TTC39B: variants seen among roughly 807,000 people sequenced by gnomAD.
TTC39B encodes the protein tetratricopeptide repeat domain 39B.
In TTC39B, 92 loss-of-function variants were observed where a neutral mutation model predicts 96.6. The observed-to-expected ratio is 0.95, with a 90% CI of 0.80 to 1.13. TTC39B has a LOEUF of 1.13. Ranked by LOEUF, TTC39B falls within the 50% of genes most tolerant of loss-of-function variation. The pLI is 0.00. For missense variants in TTC39B, 955 were observed against 809.3 expected (o/e 1.18, Z -2.18); for synonymous variants, 367 against 299.4 (o/e 1.23, Z -2.33).
intron 15 of TTC39B, 118 bp downstream of exon 15, chr9:15,186,826 G>C (rs1435365478): frequency 4.6e-6 from 4 of 877,760 alleles, no homozygotes; most frequent in Non-Finnish European, 7.4e-6. Flanking sequence ...TTCCCAAGTA[G>C]CTGGGACTAC....
At chr9:15,220,576 C>T (rs896778945) in intron 3 of TTC39B, among the ~76,000 whole-genome samples, 38 of 152,018 alleles carry the variant, frequency 2.5e-4, no homozygotes, top group African/African-American at 8.9e-4. Context: ...AATGCAAATA[C>T]ATAATGCAAT....
rs1299278617 is a variant in TTC39B, at chr9:15,241,163, T to C, written c.276-15151A>G. ...GTGTCCCTTAGCTCTGTATGGAAAATGGGGAATGACAAGCTCATTCAAATA... is the reference window on the plus strand; with the variant it reads ...GTGTCCCTTAGCTCTGTATGGAAAACGGGGAATGACAAGCTCATTCAAATA... On this transcript the variant is annotated intron_variant, in intron 2 of 19. Transcript: ENST00000512701. 4.6e-5 allele frequency among the ~76,000 whole-genome samples: 7 copies of C among 152,230 alleles called. No individual in the cohort carries two copies. In the East Asian group the frequency reaches 1.4e-3, roughly 29 times the overall value.
At chr9:15,273,407 G>A (rs1226539448) in intron 1 of TTC39B, among the ~76,000 whole-genome samples, 2 of 152,136 alleles carry the variant, frequency 1.3e-5, no homozygotes, top group African/African-American at 4.8e-5. Context: ...AATAACGCCA[G>A]GTACTGTAAA....
At chr9:15,199,086 C>T (rs764423700) in intron 8 of TTC39B, among the ~76,000 whole-genome samples, 80 of 152,106 alleles carry the variant, frequency 5.3e-4, no homozygotes, top group Middle Eastern at 3.2e-3. Flanking sequence ...AAAGGGATGA[C>T]TCCAGATTCA....
chr9:15,205,646 C>T (rs1819802690), intron 6 of TTC39B, among the ~76,000 whole-genome samples: 2 of 152,334 alleles, frequency 1.3e-5, no homozygotes, highest in South Asian at 4.1e-4. Flanking sequence ...TAGCTGTGTT[C>T]AGCGGGATAC....
At position 15,230,996 on chromosome 9, in the gene TTC39B, A is replaced by C. The variant is rs866850094; in HGVS notation, c.276-4984T>G. On this transcript the variant is annotated intron_variant, in intron 2 of 19. Coordinates refer to ENST00000512701, the Ensembl canonical transcript of TTC39B. ...TGAGACTCCATCTCAGAAAAAAAAA[A>C]AAACAAACAAGTTATTGTGTGGACA... Among the ~76,000 whole-genome samples the C allele has an allele frequency of 4.3e-3, 654 of 151,946 alleles. 4 individuals carry two copies. The highest frequency in any genetic ancestry group is 0.015 in the African/African-American group (621 of 41,312).
chr9:15,191,228 T>A (rs1325231752), exon 10 of TTC39B: 1 of 1,610,192 alleles, frequency 6.2e-7, no homozygotes, highest in Non-Finnish European at 8.5e-7. Flanking sequence ...AGTAGTCTGA[T>A]AATCCTTGCT....
intron 1 of TTC39B, among the ~76,000 whole-genome samples, chr9:15,279,983 C>A (rs991908156): frequency 2.0e-5 from 3 of 150,634 alleles, no homozygotes; most frequent in African/African-American, 4.9e-5. Context: ...GCAACCTCCA[C>A]CCCCCGGGTT....
intron 2 of TTC39B, among the ~76,000 whole-genome samples, chr9:15,228,501 T>G (rs1021945504): frequency 3.9e-5 from 6 of 152,092 alleles, no homozygotes; most frequent in African/African-American, 1.4e-4. Flanking sequence ...TGGGAGGCCT[T>G]CAGCAAAGAT....
At chr9:15,221,074 G>C (rs1019918930) in intron 3 of TTC39B, among the ~76,000 whole-genome samples, 1 of 152,188 alleles carries the variant, frequency 6.6e-6, no homozygotes, top group African/African-American at 2.4e-5. Flanking sequence ...TCTACTGTGA[G>C]GTTACTACTG....
At chr9:15,229,159 A>G (rs938635752) in intron 2 of TTC39B, among the ~76,000 whole-genome samples, 1 of 152,250 alleles carries the variant, frequency 6.6e-6, no homozygotes, top group Admixed American at 6.5e-5. Flanking sequence ...TAAAGTAGAG[A>G]AAATACTATT....
chr9:15,210,167 A>G lies in TTC39B; in HGVS notation c.615-3T>C, dbSNP rs923281810. 5 of 1,554,612 alleles carry G rather than the reference A, an allele frequency of 3.2e-6. No individual in the cohort carries two copies. In the African/African-American group the frequency reaches 6.9e-5, roughly 22 times the overall value. ...CAACTGTGTATTTTTTCCTGTATCT[A>G]CATTGAATAAATAAAAAGGGAGATA... On this transcript the variant is annotated splice_polypyrimidine_tract_variant and splice_region_variant and intron_variant, in intron 5 of 19. Coordinates refer to ENST00000512701, the Ensembl canonical transcript of TTC39B.
intron 2 of TTC39B, among the ~76,000 whole-genome samples, chr9:15,250,564 A>C (rs971895194): frequency 1.3e-4 from 20 of 152,374 alleles, no homozygotes; most frequent in Middle Eastern, 3.4e-3. Flanking sequence ...AATGCACAAA[A>C]GTTAAATTAG....
At chr9:15,298,563 T>C (rs140536359) in intron 1 of TTC39B, among the ~76,000 whole-genome samples, 2 of 152,144 alleles carry the variant, frequency 1.3e-5, no homozygotes, top group East Asian at 3.9e-4. Flanking sequence ...TCAGATCCCA[T>C]GAGACTTATT....
intron 18 of TTC39B, among the ~76,000 whole-genome samples, chr9:15,176,207 G>GA (rs1399507831): frequency 3.9e-5 from 6 of 152,058 alleles, no homozygotes; most frequent in African/African-American, 1.4e-4. Flanking sequence ...GGAATCTCAA[G>GA]AAAAAACTCC....
At chr9:15,204,057 G>C (rs1015257748) in intron 6 of TTC39B, among the ~76,000 whole-genome samples, 167 bp from the exon 7 acceptor site, 2 of 152,104 alleles carry the variant, frequency 1.3e-5, no homozygotes, top group African/African-American at 4.8e-5. Context: ...TTCTCACTTT[G>C]TCAGGAAGAT....
exon 20 of TTC39B, chr9:15,164,403 A>G (rs1019539161): frequency 6.6e-6 from 1 of 152,200 alleles, no homozygotes; most frequent in African/African-American, 2.4e-5. Flanking sequence ...AGTGAAAACC[A>G]CACATTATCA....
intron 8 of TTC39B, among the ~76,000 whole-genome samples, chr9:15,197,332 T>C (rs922091351): frequency 2.6e-5 from 4 of 152,208 alleles, no homozygotes; most frequent in Admixed American, 2.0e-4. Context: ...CTTCTAAAAA[T>C]ATTTCACAAA....
At chr9:15,288,453 G>C (rs757278632) in intron 1 of TTC39B, among the ~76,000 whole-genome samples, 2 of 152,136 alleles carry the variant, frequency 1.3e-5, no homozygotes, top group Non-Finnish European at 2.9e-5. Context: ...GAATGTCGTC[G>C]AGAGGAGTTC....
Sources: gnomAD v4.1 joint callset for allele counts (sites outside exome capture counted in the v4.1 genomes callset) on GRCh38, gnomAD v4.1.1 for gene constraint, MANE v1.5 for transcripts, NCBI Gene and HGNC (gene_info 2026-07-23, HGNC 2026-07-21) for gene names.